Variants in CIAPIN1 observed in about 807,000 individuals in gnomAD.
CIAPIN1 encodes the protein anamorsin.
Under a neutral mutation model 34.3 loss-of-function variants are expected in CIAPIN1, and 18 were observed. The observed-to-expected ratio is 0.52, with a 90% CI of 0.36 to 0.78. The LOEUF is 0.78. Among genes scored for constraint, CIAPIN1 ranks in the 30% least tolerant of loss-of-function variants. The probability of loss-of-function intolerance (pLI) is 0.00; values close to 1 mark genes in which losing one functional copy is unlikely to be tolerated. For missense variants in CIAPIN1, 310 were observed against 372.5 expected (o/e 0.83, Z 1.38); for synonymous variants, 131 against 140.4 (o/e 0.93, Z 0.47).
chr16:57,441,811 A>G (rs1455808366), intron 1 of CIAPIN1, among the ~76,000 whole-genome samples: 4 of 152,260 alleles, frequency 2.6e-5, no homozygotes, highest in Non-Finnish European at 5.9e-5. Flanking sequence ...CAAAGAAATT[A>G]GGTCAAGAGA....
chr16:57,441,028 A>C, intron 1 of CIAPIN1, 45 bp from the exon 2 acceptor site: 1 of 1,298,974 alleles, frequency 7.7e-7, no homozygotes, highest in Non-Finnish European at 1.1e-6. Context: ...ATATCATAAA[A>C]TATGATTAGA....
intron 1 of CIAPIN1, among the ~76,000 whole-genome samples, chr16:57,446,858 A>C (rs1366216233): frequency 1.3e-5 from 2 of 152,300 alleles, no homozygotes; most frequent in East Asian, 3.9e-4. Flanking sequence ...GGTTCGGACA[A>C]GTTGCAGGTT....
intron 4 of CIAPIN1, among the ~76,000 whole-genome samples, chr16:57,435,900 A>G (rs1157141268): frequency 6.6e-6 from 1 of 152,264 alleles, no homozygotes; most frequent in Non-Finnish European, 1.5e-5. Flanking sequence ...TCCCACATCC[A>G]AGAAAATTTT....
chr16:57,430,232 T>C, intron 8 of CIAPIN1, 26 bp downstream of exon 8: 1 of 1,603,244 alleles, frequency 6.2e-7, no homozygotes, highest in Non-Finnish European at 8.5e-7. Context: ...GGTTTGTGAA[T>C]GCTGAGGAAT....
In CIAPIN1 at chr16:57,429,194, A is replaced by G. The variant is rs1903021777; in HGVS notation, c.915T>C (p.Ser305=). 1 of 1,612,858 alleles carries G rather than the reference A, an allele frequency of 6.2e-7. No homozygotes were observed. The highest frequency in any genetic ancestry group is 8.5e-7 in the Non-Finnish European group (1 of 1,179,856). The change falls in exon 9 of 9, where the codon AGT becomes AGC. Residue 305 remains serine (S), a synonymous_variant. Transcript: ENST00000394391. The stretch of plus-strand genomic sequence containing the variant: ...CCTAGGCATCATGAAGATTGCTATC[A>G]CTCAGAAGCACCTTTTCCCCAGGTT... ...AFKPGEKVLL[S]DSNLHDA
chr16:57,434,648 A>G (rs1282678843), intron 4 of CIAPIN1, among the ~76,000 whole-genome samples: 1 of 152,206 alleles, frequency 6.6e-6, no homozygotes, highest in Non-Finnish European at 1.5e-5. Context: ...GGTAGAAAAA[A>G]AGGGTCAGGG....
intron 3 of CIAPIN1, among the ~76,000 whole-genome samples, chr16:57,438,302 C>T (rs1199599706): frequency 6.6e-6 from 1 of 152,186 alleles, no homozygotes; most frequent in Non-Finnish European, 1.5e-5. Context: ...AAAGTTTTTA[C>T]TTCATGAACA....
chr16:57,432,491 C>T lies in CIAPIN1; in HGVS notation c.626G>A (p.Ser209Asn). ...TLSANDMEDD[S>N]MDLIDSDELL... is the part of the protein sequence containing the mutation. ...GTGACAATGCTGCCAGCTCACCATG[C>T]TGTCGTCCTCCATATCGTTGGCTGA... is the stretch of plus-strand genomic sequence containing the variant. The change falls in exon 6 of 9, where the codon AGC becomes AAC. Residue 209 changes from serine to asparagine, a missense_variant. Physicochemically the swap from Ser to Asn is conservative, Grantham distance 46 (BLOSUM62 1). Coordinates refer to ENST00000394391, the MANE Select transcript of CIAPIN1 (RefSeq NM_020313.4). 1 of 1,613,690 alleles carries T rather than the reference C, an allele frequency of 6.2e-7. No individual in the cohort carries two copies. The highest frequency in any genetic ancestry group is 1.1e-5 in the South Asian group (1 of 91,052).
At chr16:57,437,915 GT>G (rs146655340) in intron 3 of CIAPIN1, among the ~76,000 whole-genome samples, 3 of 151,938 alleles carry the variant, frequency 2.0e-5, no homozygotes, top group African/African-American at 7.3e-5. Flanking sequence ...CATTATTATT[GT>G]TTTTTTATCA....
At chr16:57,435,105 T>C (rs193113911) in intron 4 of CIAPIN1, among the ~76,000 whole-genome samples, 17 of 152,266 alleles carry the variant, frequency 1.1e-4, no homozygotes, top group African/African-American at 4.1e-4. Flanking sequence ...GACTGGATCA[T>C]GGGGGCAGAT....
At position 57,429,243 on chromosome 16, in the gene CIAPIN1, G is replaced by C; in HGVS notation, c.866C>G (p.Pro289Arg). 1 of 1,613,962 alleles carries C rather than the reference G, an allele frequency of 6.2e-7. No homozygotes were observed. Among genetic ancestry groups the C allele is most frequent in the South Asian group, 1.1e-5 (1 of 91,074 alleles). The change falls in exon 9 of 9, where the codon CCC becomes CGC. Residue 289 changes from proline (P) to arginine (R), a missense_variant. Pro to Arg is a moderately radical substitution (Grantham distance 103). Transcript: ENST00000394391. ...TTTGAAGGCTGGCATCCCAAGGTAG[G>C]GGCAGCTGGCACAGCGGAAGGCATC... ...LGDAFRCASC[P>R]YLGMPAFKPG...
At chr16:57,443,128 G>GT (rs1324392369) in intron 1 of CIAPIN1, among the ~76,000 whole-genome samples, 33 of 140,156 alleles carry the variant, frequency 2.4e-4, no homozygotes, top group African/African-American at 3.3e-4. Context: ...AATAATTCTG[G>GT]TTTTGTTTTT....
intron 1 of CIAPIN1, among the ~76,000 whole-genome samples, chr16:57,443,232 C>T (rs1031819252): frequency 5.3e-5 from 8 of 151,056 alleles, no homozygotes; most frequent in East Asian, 1.9e-4. Flanking sequence ...CTCTGCCTCC[C>T]GGGTTCAAGC....
chr16:57,437,316 CT>C (rs1903226037), intron 3 of CIAPIN1, among the ~76,000 whole-genome samples: 1 of 151,982 alleles, frequency 6.6e-6, no homozygotes, highest in Admixed American at 6.6e-5. Context: ...TATAAACAGG[CT>C]TTGTGTTAGA....
rs1458387489 is a variant in CIAPIN1, at chr16:57,434,245, C to A, written c.388-33G>T. 7 of 1,609,274 alleles carry A rather than the reference C, an allele frequency of 4.3e-6. No individual in the cohort carries two copies. The African/African-American group carries it at 5.3e-5, about 12-fold the overall frequency. On this transcript the variant is annotated intron_variant, in intron 4 of 8. Coordinates refer to ENST00000394391, the MANE Select transcript of CIAPIN1 (RefSeq NM_020313.4). ...TCAAGACATCAAAAGGATTAGTTCA[C>A]CCTCCTCTGTAAAATGGTTTACTAT...
At chr16:57,436,593 A>G in intron 4 of CIAPIN1, 63 bp downstream of exon 4, 1 of 1,230,608 alleles carries the variant, frequency 8.1e-7, no homozygotes, top group Non-Finnish European at 1.2e-6. Flanking sequence ...CTTGTTTCCT[A>G]GTTCTAAGCA....
At chr16:57,442,038 CTT>C (rs1352732235) in intron 1 of CIAPIN1, among the ~76,000 whole-genome samples, 1 of 152,214 alleles carries the variant, frequency 6.6e-6, no homozygotes, top group African/African-American at 2.4e-5. Flanking sequence ...TCACTACACT[CTT>C]GTTTCTTTTA....
rs1242372492 is a variant in CIAPIN1, at chr16:57,440,803, C to G, written c.126G>C (p.Val42=). ...ACAGCTGCTTGATGTTTTCCACAGA[C>G]ACGCGGCCCTCATTGCCGGTTAACG... The part of the protein sequence containing the change: ...LQALTGNEGR[V]SVENIKQLLQ... Residue 42 remains valine (V), a synonymous_variant, in exon 2 of 9, where the codon GTG becomes GTC. Coordinates refer to ENST00000394391, the MANE Select transcript of CIAPIN1 (RefSeq NM_020313.4). The G allele has an allele frequency of 6.2e-7, 1 of 1,613,732 alleles. No homozygotes were observed. Among genetic ancestry groups the G allele is most frequent in the African/African-American group, 1.3e-5 (1 of 75,028 alleles).
chr16:57,443,483 A>G (rs1370490793), intron 1 of CIAPIN1, among the ~76,000 whole-genome samples: 1 of 152,108 alleles, frequency 6.6e-6, no homozygotes, highest in Non-Finnish European at 1.5e-5. Flanking sequence ...TTTGAGACAG[A>G]GTCTCACTCC....
Sources: gnomAD v4.1 joint callset for allele counts (sites outside exome capture counted in the v4.1 genomes callset) on GRCh38, gnomAD v4.1.1 for gene constraint, MANE v1.5 for transcripts, NCBI Gene and HGNC (gene_info 2026-07-23, HGNC 2026-07-21) for gene names.